The following CNST variants were observed in gnomAD, a reference collection of about 807,000 sequenced individuals.
The protein encoded by CNST is consortin.
In CNST, 39 loss-of-function variants were observed where a neutral mutation model predicts 72.4. The ratio of observed to expected loss-of-function variants is 0.54; its 90% confidence interval spans 0.42 to 0.70. The LOEUF (loss-of-function observed/expected upper bound fraction) is 0.70, where lower values mean the gene tolerates loss of function less well. CNST is among the 30% of genes least tolerant of loss of function. The pLI is 0.00. For missense variants in CNST, 871 were observed against 868.5 expected (o/e 1.00, Z -0.04); for synonymous variants, 332 against 320.1 (o/e 1.04, Z -0.40).
At chr1:246,635,169 C>T (rs1665110809) in intron 6 of CNST, among the ~76,000 whole-genome samples, 1 of 152,038 alleles carries the variant, frequency 6.6e-6, no homozygotes, top group African/African-American at 2.4e-5. Context: ...TTCTCCATAA[C>T]TACTTCAGGT....
intron 9 of CNST, among the ~76,000 whole-genome samples, chr1:246,652,846 T>C (rs1572244920): frequency 1.3e-5 from 2 of 149,618 alleles, no homozygotes; most frequent in South Asian, 2.1e-4. Flanking sequence ...CTACTAAAAA[T>C]ACAAAAAACT....
chr1:246,577,939 C>G (rs995930484), intron 1 of CNST, among the ~76,000 whole-genome samples: 4 of 151,930 alleles, frequency 2.6e-5, no homozygotes, highest in African/African-American at 9.7e-5. Context: ...CTCAAGTTTC[C>G]CTCTTCTGTT....
chr1:246,660,251 TAGG>T lies in CNST; in HGVS notation c.1892_1894del (p.Gly631del). The T allele has an allele frequency of 6.2e-7, 1 of 1,612,648 alleles. No individual in the cohort carries two copies. The highest frequency in any genetic ancestry group is 8.5e-7 in the Non-Finnish European group (1 of 1,178,740). On this transcript the variant is annotated inframe_deletion, in exon 10 of 11. Transcript: ENST00000366513. ...ATATTAAAGAAGAGGAATGATACTG[TAGG>T]AGATCATCCTGCCCAAATGCAACAC...
chr1:246,638,291 A>C (rs1665433073), intron 6 of CNST, among the ~76,000 whole-genome samples: 1 of 152,150 alleles, frequency 6.6e-6, no homozygotes, highest in Admixed American at 6.5e-5. Context: ...CAGGGACAGA[A>C]ACTGGCCTTG....
At chr1:246,640,505 T>C (rs1465791587) in intron 6 of CNST, among the ~76,000 whole-genome samples, 2 of 152,194 alleles carry the variant, frequency 1.3e-5, no homozygotes, top group Admixed American at 6.5e-5. Context: ...AATTCCTTAT[T>C]CAGAGATCCA....
Position 246,585,709 on chromosome 1 carries a change from ACACT to A in CNST, c.-51-5802_-51-5799del, listed in dbSNP as rs1221728115. On this transcript the variant is annotated intron_variant, in intron 1 of 10. Transcript: ENST00000366513. ...CACACACACACACACACACACACAC[ACACT>A]ATATATGTATACAGCATAAGTGCAT... 1.5e-3 allele frequency among the ~76,000 whole-genome samples: 162 copies of A among 105,564 alleles called. 5 individuals carry two copies. Among genetic ancestry groups the A allele is most frequent in the Non-Finnish European group, 5.4e-4 (27 of 49,724 alleles). The allele number at this position is 105,564 out of a possible 152,430, so 69.3% of individuals were successfully genotyped here.
chr1:246,642,781 G>T (rs1364308213), intron 8 of CNST, among the ~76,000 whole-genome samples: 3 of 35,186 alleles, frequency 8.5e-5, no homozygotes, highest in Non-Finnish European at 2.0e-4. Flanking sequence ...GGAAGTATCA[G>T]GTGTTTTGGA....
At chr1:246,662,971 G>C (rs1262020167) in intron 10 of CNST, among the ~76,000 whole-genome samples, 1 of 152,062 alleles carries the variant, frequency 6.6e-6, no homozygotes, top group East Asian at 1.9e-4. Context: ...TTAAATGTTT[G>C]GATTTGAATA....
intron 1 of CNST, among the ~76,000 whole-genome samples, chr1:246,588,702 ATG>A (rs1661349528): frequency 6.6e-6 from 1 of 152,190 alleles, no homozygotes; most frequent in South Asian, 2.1e-4. Context: ...CATACAATCA[ATG>A]TGTAGAATTA....
chr1:246,652,617 G>A (rs1474130224), intron 9 of CNST, among the ~76,000 whole-genome samples: 2 of 152,098 alleles, frequency 1.3e-5, no homozygotes, highest in Admixed American at 6.5e-5. Flanking sequence ...TATATTAAGT[G>A]TTTCAGATTG....
chr1:246,577,230 A>G (rs1572114347), intron 1 of CNST, among the ~76,000 whole-genome samples: 2 of 152,166 alleles, frequency 1.3e-5, no homozygotes, highest in Admixed American at 1.3e-4. Flanking sequence ...GTAAATTTCA[A>G]CAGTACAAGC....
chr1:246,634,221 A>C, intron 5 of CNST: 1 of 556,086 alleles, frequency 1.8e-6, no homozygotes, highest in African/African-American at 1.9e-5. Flanking sequence ...TATCAATGCC[A>C]AGAAAAGAAT....
chr1:246,625,414 CTTTTTTTTTTTTTT>C (rs61588900), intron 3 of CNST, among the ~76,000 whole-genome samples: 30 of 56,106 alleles, frequency 5.3e-4, no homozygotes, highest in Non-Finnish European at 7.7e-4. Flanking sequence ...TTATTTCTTT[CTTTTTTTTTTTTTT>C]TTTTTTTTTT....
chr1:246,615,278 C>T (rs1663606405), intron 2 of CNST, among the ~76,000 whole-genome samples: 1 of 152,070 alleles, frequency 6.6e-6, no homozygotes, highest in African/African-American at 2.4e-5. Flanking sequence ...CGGGTTCACG[C>T]CATTCTCCTG....
At chr1:246,654,932 C>T (rs1342487882) in intron 9 of CNST, among the ~76,000 whole-genome samples, 2 of 151,972 alleles carry the variant, frequency 1.3e-5, no homozygotes, top group Admixed American at 6.6e-5. Context: ...AGCTTACTTT[C>T]TAGAGGGAGA....
chr1:246,630,230 G>A (rs937915556), intron 3 of CNST, among the ~76,000 whole-genome samples: 1 of 152,178 alleles, frequency 6.6e-6, no homozygotes, highest in Non-Finnish European at 1.5e-5. Context: ...CTCTGGAGAC[G>A]ACTGTTAAAT....
intron 1 of CNST, among the ~76,000 whole-genome samples, chr1:246,582,759 ATTTC>A (rs1660882371): frequency 6.6e-6 from 1 of 151,952 alleles, no homozygotes; most frequent in Non-Finnish European, 1.5e-5. Context: ...GGTCCTGTTT[ATTTC>A]TTCTCTTGAG....
rs371032749 is a variant in CNST at position 246,629,074 on chromosome 1, ATC to A, written c.586-2814_586-2813del. On this transcript the variant is annotated intron_variant, in intron 3 of 10. Coordinates refer to ENST00000366513, the MANE Select transcript of CNST (RefSeq NM_152609.3). ...TTCCTGTACCTGGGCAGCAAACACA[ATC>A]TCTCTTTCAATCCTTATGGCAGCCT... Among the ~76,000 whole-genome samples the A allele has an allele frequency of 8.5e-5, 13 of 152,188 alleles. No individual in the cohort carries two copies. The East Asian group carries it at 2.3e-3, about 27-fold the overall frequency.
At chr1:246,636,566 A>G (rs1665261269) in intron 6 of CNST, among the ~76,000 whole-genome samples, 1 of 152,160 alleles carries the variant, frequency 6.6e-6, no homozygotes, top group African/African-American at 2.4e-5. Context: ...TGGAAATACC[A>G]CGGGTGATTT....
Sources: gnomAD v4.1 joint callset for allele counts (sites outside exome capture counted in the v4.1 genomes callset) on GRCh38, gnomAD v4.1.1 for gene constraint, MANE v1.5 for transcripts, NCBI Gene and HGNC (gene_info 2026-07-23, HGNC 2026-07-21) for gene names.